MELK: variants seen among roughly 807,000 people sequenced by gnomAD.
MELK encodes maternal embryonic leucine zipper kinase, also known as pEg3 kinase.
MELK carries 81 observed loss-of-function variants against 85.0 expected under a neutral mutation model. That is an observed-to-expected ratio of 0.95 (90% CI 0.80 to 1.15). MELK has a LOEUF of 1.15. Ranked by LOEUF, MELK falls within the 50% of genes most tolerant of loss-of-function variation. The pLI, the probability that MELK is intolerant of heterozygous loss-of-function variation, is 0.00. For missense variants in MELK, 754 were observed against 777.5 expected (o/e 0.97, Z 0.36); for synonymous variants, 252 against 265.0 (o/e 0.95, Z 0.48).
intron 10 of MELK, among the ~76,000 whole-genome samples, chr9:36,637,905 T>C (rs1032276630): frequency 6.6e-6 from 1 of 152,176 alleles, no homozygotes; most frequent in Non-Finnish European, 1.5e-5. Context: ...TTAATATCTA[T>C]TGAGCAAATA....
chr9:36,590,481 G>A (rs966462466), intron 4 of MELK, among the ~76,000 whole-genome samples: 7 of 152,024 alleles, frequency 4.6e-5, no homozygotes, highest in Non-Finnish European at 8.8e-5. Context: ...CTTGGCCTCC[G>A]TCTTCAAATG....
chr9:36,659,946 T>C (rs1482977740), intron 13 of MELK, among the ~76,000 whole-genome samples: 1 of 152,186 alleles, frequency 6.6e-6, no homozygotes, highest in Non-Finnish European at 1.5e-5. Flanking sequence ...ATTACAGGCA[T>C]GCGCCACCAC....
intron 8 of MELK, among the ~76,000 whole-genome samples, chr9:36,618,376 T>A (rs1341936910): frequency 7.1e-6 from 1 of 140,398 alleles, no homozygotes; most frequent in African/African-American, 2.7e-5. Context: ...GCCACTGCAC[T>A]CCAGCCTGGG....
chr9:36,615,799 C>T (rs1334923134), intron 8 of MELK, among the ~76,000 whole-genome samples: 2 of 150,010 alleles, frequency 1.3e-5, no homozygotes, highest in East Asian at 2.0e-4. Context: ...GATGTGATGG[C>T]GGCTGGGAAG....
chr9:36,583,509 A>G (rs1822484182), intron 2 of MELK, 118 bp from the exon 3 acceptor site: 1 of 533,772 alleles, frequency 1.9e-6, no homozygotes, highest in Non-Finnish European at 3.0e-6. Flanking sequence ...ACAGGAAAAA[A>G]AAGCCACAAA....
chr9:36,655,870 A>G lies in MELK; in HGVS notation c.1054-1371A>G, dbSNP rs895830061. On this transcript the variant is annotated intron_variant, in intron 12 of 17. Coordinates refer to ENST00000298048, the MANE Select transcript of MELK (RefSeq NM_014791.4). ...AGTGGAAAGATTAGTGGTAGAGACA[A>G]TATTGTCTGTTTGAATAGTCTAGGT... Among the ~76,000 whole-genome samples, 3 of 152,174 alleles carry G rather than the reference A, an allele frequency of 2.0e-5. No individual in the cohort carries two copies. The South Asian group carries it at 6.2e-4, about 32-fold the overall frequency.
At chr9:36,596,563 GTTTT>G (rs750016508) in intron 5 of MELK, among the ~76,000 whole-genome samples, 2 of 106,134 alleles carry the variant, frequency 1.9e-5, no homozygotes, top group African/African-American at 5.1e-5. Flanking sequence ...GGCCCTTTTT[GTTTT>G]TTTTGTTTTT....
intron 14 of MELK, among the ~76,000 whole-genome samples, chr9:36,665,798 T>C (rs1832284756): frequency 6.6e-6 from 1 of 152,210 alleles, no homozygotes; most frequent in South Asian, 2.1e-4. Flanking sequence ...TTTTTCACGT[T>C]TATAAAATTG....
chr9:36,648,338 A>T (rs1232266747), intron 11 of MELK, among the ~76,000 whole-genome samples: 1 of 152,228 alleles, frequency 6.6e-6, no homozygotes, highest in Non-Finnish European at 1.5e-5. Flanking sequence ...GCATCAAGCA[A>T]ACTGATGAGA....
chr9:36,615,495 C>T (rs1222331725), intron 8 of MELK, among the ~76,000 whole-genome samples: 1 of 126,466 alleles, frequency 7.9e-6, no homozygotes, highest in East Asian at 2.3e-4. Flanking sequence ...CGGGGGCTGA[C>T]CCCCCCCCAC....
At chr9:36,650,197 C>T (rs901925778) in intron 11 of MELK, among the ~76,000 whole-genome samples, 1 of 151,924 alleles carries the variant, frequency 6.6e-6, no homozygotes, top group Non-Finnish European at 1.5e-5. Flanking sequence ...CCCGCCTCGG[C>T]CTCCCAAAGT....
At chr9:36,615,861 A>G (rs1826690451) in intron 8 of MELK, among the ~76,000 whole-genome samples, 1 of 148,520 alleles carries the variant, frequency 6.7e-6, no homozygotes, top group Admixed American at 6.7e-5. Context: ...GACGCTCCTC[A>G]CTTTCCAGAC....
intron 5 of MELK, among the ~76,000 whole-genome samples, chr9:36,596,728 A>G (rs1824326892): frequency 6.6e-6 from 1 of 151,228 alleles, no homozygotes; most frequent in Admixed American, 6.6e-5. Flanking sequence ...CTGGGATTAC[A>G]GGTATGCGCC....
chr9:36,641,092 A>G (rs1003042903), intron 10 of MELK, among the ~76,000 whole-genome samples: 3 of 152,226 alleles, frequency 2.0e-5, no homozygotes, highest in African/African-American at 7.2e-5. Flanking sequence ...GGGCCAGAAT[A>G]GTAAGGGGAG....
intron 11 of MELK, 128 bp downstream of exon 11, chr9:36,643,211 C>A (rs1035573239): frequency 1.6e-6 from 1 of 622,636 alleles, no homozygotes; most frequent in Non-Finnish European, 2.6e-6. Flanking sequence ...GGTGAAACCC[C>A]ATCTCTACTG....
At chr9:36,631,707 T>C (rs1054349205) in intron 9 of MELK, among the ~76,000 whole-genome samples, 2 of 152,208 alleles carry the variant, frequency 1.3e-5, no homozygotes, top group Admixed American at 1.3e-4. Flanking sequence ...CCCAAGTAAC[T>C]GGGACCACTG....
At chr9:36,627,814 A>T (rs1401021496) in intron 8 of MELK, among the ~76,000 whole-genome samples, 1 of 151,998 alleles carries the variant, frequency 6.6e-6, no homozygotes, top group Non-Finnish European at 1.5e-5. Flanking sequence ...GGCGTGAGCC[A>T]CTGTGCCCAG....
intron 13 of MELK, among the ~76,000 whole-genome samples, chr9:36,659,553 A>G (rs1831591074): frequency 6.6e-6 from 1 of 152,164 alleles, no homozygotes; most frequent in Non-Finnish European, 1.5e-5. Context: ...ATAATATCAT[A>G]TTTTTACTAT....
intron 7 of MELK, among the ~76,000 whole-genome samples, chr9:36,600,905 A>G (rs533186582): frequency 6.6e-6 from 1 of 152,312 alleles, no homozygotes; most frequent in Admixed American, 6.5e-5. Context: ...TATAATCTCT[A>G]ACTTACAAGA....
Sources: gnomAD v4.1 joint callset for allele counts (sites outside exome capture counted in the v4.1 genomes callset) on GRCh38, gnomAD v4.1.1 for gene constraint, MANE v1.5 for transcripts, NCBI Gene and HGNC (gene_info 2026-07-23, HGNC 2026-07-21) for gene names.